DNAH6: variants seen among roughly 807,000 people sequenced by gnomAD.
DNAH6 encodes the protein dynein axonemal heavy chain 6.
In DNAH6, 340 loss-of-function variants were observed where a neutral mutation model predicts 491.4. The ratio of observed to expected loss-of-function variants is 0.69; its 90% confidence interval spans 0.63 to 0.76. The LOEUF is 0.76. Among genes scored for constraint, DNAH6 ranks in the 30% least tolerant of loss-of-function variants. The pLI is 0.00. For synonymous variants in DNAH6, 1,603 were observed against 1,686.1 expected (o/e 0.95, Z 1.21); for missense variants, 4,443 against 4,972.2 (o/e 0.89, Z 3.20).
chr2:84,528,945 T>C lies in DNAH6; in HGVS notation c.441T>C (p.Pro147=), dbSNP rs1676883162. The change falls in exon 4 of 77, where the codon CCT becomes CCC. Residue 147 remains proline (P), a synonymous_variant. Coordinates refer to ENST00000389394, the MANE Select transcript of DNAH6 (RefSeq NM_001370.2). ...PYVEVFSPSP[P]KLPHTGIGKR... ...TTGAGGTGTTCTCTCCCTCTCCTCC[T>C]AAACTGCCACATACTGGTATTGGAA... The C allele has an allele frequency of 4.5e-6, 7 of 1,550,802 alleles. No individual in the cohort carries two copies. Among genetic ancestry groups the C allele is most frequent in the Non-Finnish European group, 5.2e-6 (6 of 1,146,590 alleles).
In DNAH6 at chr2:84,549,354, G is replaced by A. The variant is rs138188498; in HGVS notation, c.1317-535G>A. The stretch of plus-strand genomic sequence containing the variant: ...GGACCTAGAAGTATTAGAGGCCTTA[G>A]AGCTCCACTTGAGCAGAATAGTACT... On this transcript the variant is annotated intron_variant, in intron 8 of 76. Transcript: ENST00000389394. 1.5e-3 allele frequency among the ~76,000 whole-genome samples: 227 copies of A among 152,288 alleles called. 1 individual carries two copies. The highest frequency in any genetic ancestry group is 5.2e-3 in the African/African-American group (215 of 41,558).
intron 76 of DNAH6, among the ~76,000 whole-genome samples, chr2:84,818,151 A>G (rs1021620989): frequency 2.6e-5 from 4 of 152,202 alleles, no homozygotes; most frequent in African/African-American, 7.2e-5. Context: ...TTTTTCAGCT[A>G]TTTAAAAGAG....
chr2:84,465,650 G>A, the DNAH6 span, among the ~76,000 whole-genome samples: 1 of 152,196 alleles, frequency 6.6e-6, no homozygotes, highest in East Asian at 1.9e-4. Flanking sequence ...CAATTGAATT[G>A]TTGGAACCAA....
intron 5 of DNAH6, among the ~76,000 whole-genome samples, chr2:84,546,852 A>T (rs1678846528): frequency 6.6e-6 from 1 of 152,204 alleles, no homozygotes; most frequent in South Asian, 2.1e-4. Flanking sequence ...ACCCAATAAC[A>T]ATTTAATGTT....
chr2:84,545,040 C>A (rs1259844067), intron 5 of DNAH6, among the ~76,000 whole-genome samples: 1 of 152,106 alleles, frequency 6.6e-6, no homozygotes, highest in Non-Finnish European at 1.5e-5. Context: ...TTTATAATTT[C>A]TATCTATTGA....
chr2:84,517,860 C>A lies in DNAH6; in HGVS notation c.34C>A (p.Leu12Met), dbSNP rs1248888971. ...TCGGGCCACAGATAGTGAATTTGAC[C>A]TGACAAATATTGAAGAGTATGCCGA... Reference protein sequence around the residue: ...TFRATDSEFDLTNIEEYAENS... With the variant: ...TFRATDSEFDMTNIEEYAENS... The change falls in exon 2 of 77, where the codon CTG becomes ATG. Residue 12 changes from leucine (L) to methionine (M), a missense_variant. Leu to Met is a conservative substitution (Grantham distance 15). This residue lies in a region of DNAH6 where 2,977 missense variants were observed against 3,296.6 expected (regional missense o/e 0.90). Coordinates refer to ENST00000389394, the MANE Select transcript of DNAH6 (RefSeq NM_001370.2). The A allele has an allele frequency of 1.3e-6, 2 of 1,551,526 alleles. No homozygotes were observed. The highest frequency in any genetic ancestry group is 3.9e-5 in the Admixed American group (2 of 50,976).
At chr2:84,717,963 T>G (rs1697706112) in intron 58 of DNAH6, among the ~76,000 whole-genome samples, 1 of 152,200 alleles carries the variant, frequency 6.6e-6, no homozygotes, top group South Asian at 2.1e-4. Flanking sequence ...GTGTGGGAAC[T>G]TCAGTAGTAT....
chr2:84,621,602 G>A, intron 26 of DNAH6, 51 bp downstream of exon 26: 3 of 1,191,320 alleles, frequency 2.5e-6, no homozygotes, highest in East Asian at 2.7e-5. Context: ...GGTCTTGGTG[G>A]GTTTTTTTTT....
intron 11 of DNAH6, among the ~76,000 whole-genome samples, chr2:84,564,303 CAAT>C (rs1312095726): frequency 2.0e-5 from 3 of 152,112 alleles, no homozygotes; most frequent in African/African-American, 7.2e-5. Context: ...GCCATTTTAA[CAAT>C]AATGATTCTT....
Position 84,637,275 on chromosome 2 carries a change from A to G in DNAH6, c.4719A>G (p.Thr1573=), listed in dbSNP as rs1688974475. The change falls in exon 31 of 77, where the codon ACA becomes ACG. Residue 1573 remains threonine, a synonymous_variant. Transcript: ENST00000389394. ...TGATGACTTGTGCAGCCTTCATCAC[A>G]ATGAATCCTGGCTATGCAGGGAGAA... is the stretch of plus-strand genomic sequence containing the variant. ...KLVMTCAAFI[T]MNPGYAGRTE... is the part of the protein sequence containing the mutation. The G allele has an allele frequency of 6.4e-7, 1 of 1,551,336 alleles. No individual in the cohort carries two copies. Among genetic ancestry groups the G allele is most frequent in the Non-Finnish European group, 8.7e-7 (1 of 1,146,728 alleles).
At chr2:84,749,020 A>G (rs1465075971) in intron 63 of DNAH6, among the ~76,000 whole-genome samples, 1 of 152,170 alleles carries the variant, frequency 6.6e-6, no homozygotes, top group Non-Finnish European at 1.5e-5. Flanking sequence ...ACTAGCTCTT[A>G]TATGAACTAA....
chr2:84,555,040 T>C (rs1679878011), intron 10 of DNAH6, among the ~76,000 whole-genome samples: 2 of 152,230 alleles, frequency 1.3e-5, no homozygotes, highest in African/African-American at 4.8e-5. Context: ...AAGATTTTAT[T>C]TCATATAACC....
At chr2:84,493,849 A>G in the DNAH6 span, among the ~76,000 whole-genome samples, 1 of 152,212 alleles carries the variant, frequency 6.6e-6, no homozygotes, top group East Asian at 1.9e-4. Context: ...TCTAACAAGG[A>G]TAACTGATAT....
intron 9 of DNAH6, among the ~76,000 whole-genome samples, chr2:84,550,536 T>G (rs1679234882): frequency 1.3e-5 from 2 of 152,086 alleles, no homozygotes; most frequent in African/African-American, 4.8e-5. Flanking sequence ...ACAATACACA[T>G]GAAATGGCAG....
chr2:84,814,750 T>A lies in DNAH6; in HGVS notation c.12150+628T>A, dbSNP rs940919849. On this transcript the variant is annotated intron_variant, in intron 75 of 76. Transcript: ENST00000389394. ...TCCCTCCACCCTAGTTCATACCATGTCTCTGCTTGGGTCATGTGCGCTGAG... is the reference window on the plus strand; with the variant it reads ...TCCCTCCACCCTAGTTCATACCATGACTCTGCTTGGGTCATGTGCGCTGAG... Among the ~76,000 whole-genome samples, 3 of 152,156 alleles carry A rather than the reference T, an allele frequency of 2.0e-5. No individual in the cohort carries two copies. In the South Asian group the frequency reaches 6.2e-4, roughly 32 times the overall value.
At chr2:84,560,474 T>A (rs1250844559) in intron 11 of DNAH6, among the ~76,000 whole-genome samples, 1 of 151,670 alleles carries the variant, frequency 6.6e-6, no homozygotes, top group East Asian at 1.9e-4. Context: ...TTATTATTAT[T>A]ATACTTTAAG....
At chr2:84,691,679 G>A (rs1222242741) in intron 45 of DNAH6, among the ~76,000 whole-genome samples, 1 of 122,848 alleles carries the variant, frequency 8.1e-6, no homozygotes, top group Non-Finnish European at 1.6e-5. Flanking sequence ...CAGACAGTAA[G>A]TGAATGAATG....
At chr2:84,810,405 C>A (rs1192364) in intron 72 of DNAH6, among the ~76,000 whole-genome samples, 31,906 of 152,122 alleles carry the variant, frequency 0.21, 3,757 homozygotes, top group African/African-American at 0.34. Context: ...CCCCAGTCCA[C>A]CACTAACAGA....
At chr2:84,721,870 G>C (rs1384465566) in intron 59 of DNAH6, among the ~76,000 whole-genome samples, 1 of 152,120 alleles carries the variant, frequency 6.6e-6, no homozygotes, top group South Asian at 2.1e-4. Context: ...GAGAGAAAAG[G>C]ATTTCCCAAC....
Sources: gnomAD v4.1 joint callset for allele counts (sites outside exome capture counted in the v4.1 genomes callset) on GRCh38, gnomAD v4.1.1 for gene constraint, gnomAD v4.1.1 regional missense constraint, MANE v1.5 for transcripts, NCBI Gene and HGNC (gene_info 2026-07-23, HGNC 2026-07-21) for gene names.